SLC35A2: variants seen among roughly 807,000 people sequenced by gnomAD.
SLC35A2 encodes solute carrier family 35 member A2, also known as UDP-galactose translocator.
In SLC35A2, 1 loss-of-function variant was observed where a neutral mutation model predicts 17.3. The observed-to-expected ratio is 0.06, with a 90% CI of 0.02 to 0.27. SLC35A2 has a LOEUF of 0.27. Ranked by LOEUF, SLC35A2 falls within the 10% of genes least tolerant of loss-of-function variation. SLC35A2 has a pLI of 1.00. For synonymous variants in SLC35A2, 161 were observed against 161.3 expected, an observed-to-expected ratio of 1.00 and a Z score of 0.01; for missense variants, 191 against 339.3, an observed-to-expected ratio of 0.56 and a Z score of 3.43.
chrX:48,906,690 T>G lies in SLC35A2; in HGVS notation c.275-147A>C, dbSNP rs1265429372. On this transcript the variant is annotated intron_variant, in intron 2 of 4. Transcript: ENST00000247138. ...GCTGGAATGAAGTATGTGATCTTGG[T>G]TTTCCCTAGAGTACAACCATGTTTC... 5 of 519,932 alleles carry G rather than the reference T, an allele frequency of 9.6e-6. No homozygotes were observed. The African/African-American group carries it at 1.2e-4, about 12-fold the overall frequency. 42.8% of individuals were successfully genotyped at this position (519,932 alleles called of 1,213,427 possible).
intron 4 of SLC35A2, chrX:48,904,480 T>G: frequency 9.0e-7 from 1 of 1,105,601 alleles, no homozygotes. Flanking sequence ...CCAAAGAGGT[T>G]AGAGGGAGCA....
At position 48,909,906 on chromosome X, in the gene SLC35A2, G is replaced by C; in HGVS notation, c.182C>G (p.Pro61Arg). The change falls in exon 2 of 5, where the codon CCA (proline) becomes CGA (arginine). Residue 61 changes from proline (P) to arginine (R), a missense_variant. Around this residue, in one of 2 missense-constraint regions of SLC35A2, gnomAD observed 164 missense variants for 315.3 expected, o/e 0.52. Transcript: ENST00000247138. ...ILSIRYARTL[P>R]GDRFFATTAV... ...AGTGGTGGCAAAGAAGCGGTCCCCT[G>C]GCAACGTGCGGGCGTAGCGGATGCT... is the stretch of plus-strand genomic sequence containing the variant. 8.3e-7 allele frequency: 1 copy of C among 1,209,907 alleles called. No homozygotes were observed. Among genetic ancestry groups the C allele is most frequent in the Non-Finnish European group, 1.1e-6 (1 of 894,371 alleles).
intron 1 of SLC35A2, among the ~76,000 whole-genome samples, chrX:48,910,475 C>T (rs2063524666): frequency 8.9e-6 from 1 of 112,046 alleles, no homozygotes; most frequent in South Asian, 3.6e-4. Flanking sequence ...TATGGATTAG[C>T]AAACTGAGAA....
chrX:48,911,378 C>A (rs2063532291), intron 1 of SLC35A2, 168 bp downstream of exon 1: 1 of 623,432 alleles, frequency 1.6e-6, no homozygotes, highest in Non-Finnish European at 2.6e-6. Flanking sequence ...CAATCACTCT[C>A]AGAATGTTCT....
chrX:48,911,891 T>A, upstream of SLC35A2: 1 of 1,167,293 alleles, frequency 8.6e-7, no homozygotes, highest in Non-Finnish European at 1.1e-6. Context: ...CCCATTCCTG[T>A]CACTAGACCC....
Position 48,910,286 on chromosome X carries a change from C to T in SLC35A2, c.92-290G>A, listed in dbSNP as rs1230449596. 5 of 1,141,758 alleles carry T rather than the reference C, an allele frequency of 4.4e-6. No homozygotes were observed. The South Asian group carries it at 6.0e-5, about 14-fold the overall frequency. The allele number at this position is 1,141,758 out of a possible 1,213,427, so 94.1% of individuals were successfully genotyped here. A position where few individuals can be genotyped will look rare whatever the true frequency, so the allele number is the denominator to read the frequency against. ...ATGGCTGAGGCAAACCCTGGCCACG[C>T]GCCTCGGCTTCCTCCCAAGTGAGAA... On this transcript the variant is annotated intron_variant, in intron 1 of 4. Coordinates refer to ENST00000247138, the MANE Select transcript of SLC35A2 (RefSeq NM_005660.3).
At chrX:48,908,155 G>A (rs1164096420) in intron 2 of SLC35A2, among the ~76,000 whole-genome samples, 1 of 106,426 alleles carries the variant, frequency 9.4e-6, no homozygotes, top group Non-Finnish European at 1.9e-5. Context: ...TTGCTCTGTC[G>A]CCCAGGCTGG....
intron 2 of SLC35A2, among the ~76,000 whole-genome samples, chrX:48,907,280 TAG>T (rs1181421891): frequency 9.3e-6 from 1 of 107,233 alleles, no homozygotes; most frequent in East Asian, 2.9e-4. Context: ...GAGTTTAGTC[TAG>T]ACTTTTTTTT....
rs781897678 is a variant in SLC35A2, at chrX:48,904,884, C to T, written c.1025G>A (p.Arg342Gln). The change falls in exon 4 of 5, where the codon CGA (arginine) becomes CAA (glutamine). Residue 342 changes from arginine to glutamine, a missense_variant. Coordinates refer to ENST00000247138, the MANE Select transcript of SLC35A2 (RefSeq NM_005660.3). ...AGAGGCTATGGCTTTGGCTGCACCT[C>T]GGGGAAGGCTGTAGAGGTAGACAGC... Reference protein sequence around the residue: ...IGAVYLYSLPRGAAKAIASAS... With the variant: ...IGAVYLYSLPQGAAKAIASAS... 3 of 1,211,405 alleles carry T rather than the reference C, an allele frequency of 2.5e-6. No individual in the cohort carries two copies. The highest frequency in any genetic ancestry group is 1.1e-6 in the Non-Finnish European group (1 of 895,272).
chrX:48,906,626 T>C, intron 2 of SLC35A2, 83 bp from the exon 3 acceptor site: 1 of 910,083 alleles, frequency 1.1e-6, no homozygotes, highest in South Asian at 2.2e-5. Flanking sequence ...GCCTTGCTCC[T>C]GTGACTCCCC....
intron 3 of SLC35A2, 78 bp from the exon 4 acceptor site, chrX:48,905,560 G>A: frequency 3.1e-6 from 3 of 955,560 alleles, no homozygotes; most frequent in Non-Finnish European, 4.2e-6. Flanking sequence ...CACCCACTGT[G>A]GGCCCCCAGG....
At chrX:48,906,644 C>G in intron 2 of SLC35A2, 101 bp from the exon 3 acceptor site, 1 of 746,334 alleles carries the variant, frequency 1.3e-6, no homozygotes, top group Non-Finnish European at 2.0e-6. Context: ...CCCCATCCAC[C>G]CTGCTGTCCA....
chrX:48,910,287 G>C, intron 1 of SLC35A2: 1 of 1,141,315 alleles, frequency 8.8e-7, no homozygotes, highest in Non-Finnish European at 1.2e-6. Context: ...CTGGCCACGC[G>C]CCTCGGCTTC....
In SLC35A2 at chrX:48,903,313, G is replaced by T; in HGVS notation, c.*125C>A. On this transcript the variant is annotated 3_prime_UTR_variant, in exon 5 of 5. Coordinates refer to ENST00000247138, the MANE Select transcript of SLC35A2 (RefSeq NM_005660.3). Reference sequence around the variant, plus strand: ...CATGTTGGCCCTGGGTGGGGCAGGGGTGGTGGGGACAGGGAGTCCAGTGTC... The same window carrying T: ...CATGTTGGCCCTGGGTGGGGCAGGGTTGGTGGGGACAGGGAGTCCAGTGTC... The T allele has an allele frequency of 1.6e-6, 1 of 617,231 alleles. No homozygotes were observed. Among genetic ancestry groups the T allele is most frequent in the Non-Finnish European group, 2.7e-6 (1 of 367,407 alleles). 50.9% of individuals were successfully genotyped at this position (617,231 alleles called of 1,213,427 possible). A position where few individuals can be genotyped will look rare whatever the true frequency, so the allele number is the denominator to read the frequency against.
chrX:48,906,247 G>C, intron 3 of SLC35A2, 145 bp downstream of exon 3: 1 of 541,361 alleles, frequency 1.8e-6, no homozygotes, highest in Non-Finnish European at 3.2e-6. Flanking sequence ...TCACAGACGA[G>C]AAAAGGGAGG....
intron 4 of SLC35A2, chrX:48,904,429 CA>C: frequency 8.3e-6 from 9 of 1,087,915 alleles, no homozygotes; most frequent in Admixed American, 3.9e-5. Context: ...AGGGAGCAGA[CA>C]AAAAAAAGGC....
intron 1 of SLC35A2, among the ~76,000 whole-genome samples, chrX:48,911,093 C>T (rs937777534): frequency 1.8e-5 from 2 of 110,736 alleles, no homozygotes; most frequent in African/African-American, 6.6e-5. Context: ...ATGAAAGACA[C>T]CCCCATCCTC....
rs1557043682 is a variant in SLC35A2, at chrX:48,910,008, G to A, written c.92-12C>T. On this transcript the variant is annotated splice_polypyrimidine_tract_variant and intron_variant, in intron 1 of 4. Coordinates refer to ENST00000247138, the MANE Select transcript of SLC35A2 (RefSeq NM_005660.3). ...CAGGCGCCTGTGAGCTGTGGGGAAC[G>A]GAAGGGGCAAGGGGGAAGGACGGGG... is the stretch of plus-strand genomic sequence containing the variant. 7.5e-6 allele frequency: 9 copies of A among 1,199,969 alleles called. No individual in the cohort carries two copies. Among genetic ancestry groups the A allele is most frequent in the East Asian group, 5.9e-5 (2 of 33,689 alleles).
chrX:48,909,150 T>G lies in SLC35A2; in HGVS notation c.274+664A>C, dbSNP rs1648536635. Among the ~76,000 whole-genome samples, 4 of 112,416 alleles carry G rather than the reference T, an allele frequency of 3.6e-5. No homozygotes were observed. In the Admixed American group the frequency reaches 3.8e-4, roughly 11 times the overall value. Reference sequence around the variant, plus strand: ...TAGAAGATACCAAACAAGGCCAGCCTGGTGGCTCACGCCTGTAATCCCAGC... The same window carrying G: ...TAGAAGATACCAAACAAGGCCAGCCGGGTGGCTCACGCCTGTAATCCCAGC... On this transcript the variant is annotated intron_variant, in intron 2 of 4. Coordinates refer to ENST00000247138, the MANE Select transcript of SLC35A2 (RefSeq NM_005660.3).
Sources: gnomAD v4.1 joint callset for allele counts (sites outside exome capture counted in the v4.1 genomes callset) on GRCh38, gnomAD v4.1.1 for gene constraint, gnomAD v4.1.1 regional missense constraint, MANE v1.5 for transcripts, NCBI Gene and HGNC (gene_info 2026-07-23, HGNC 2026-07-21) for gene names.